The following POU2F2 variants were observed in gnomAD, a reference collection of about 807,000 sequenced individuals.
POU2F2 encodes the protein POU domain, class 2, transcription factor 2.
A neutral mutation model predicts 63.5 loss-of-function variants in POU2F2; 14 were observed. That is an observed-to-expected ratio of 0.22 (90% CI 0.15 to 0.34). The LOEUF (loss-of-function observed/expected upper bound fraction) is 0.34. Among genes scored for constraint, POU2F2 ranks in the 10% least tolerant of loss-of-function variants. The pLI is 1.00. For synonymous variants in POU2F2, 306 were observed against 348.6 expected (o/e 0.88, Z 1.36); for missense variants, 607 against 815.2 (o/e 0.74, Z 3.11).
intron 2 of POU2F2, among the ~76,000 whole-genome samples, chr19:42,158,229 A>G (rs1037417606): frequency 4.6e-5 from 7 of 152,228 alleles, no homozygotes; most frequent in African/African-American, 1.7e-4. Context: ...TCTAGTGTAT[A>G]ATCATCTCTA....
chr19:42,191,689 G>C (rs2035076550), intron 1 of POU2F2, among the ~76,000 whole-genome samples: 1 of 152,196 alleles, frequency 6.6e-6, no homozygotes, highest in Admixed American at 6.5e-5. Flanking sequence ...AAAACAGAGG[G>C]ATCAAGGGAG....
chr19:42,174,087 T>G (rs549802959), intron 1 of POU2F2, among the ~76,000 whole-genome samples: 1 of 152,288 alleles, frequency 6.6e-6, no homozygotes, highest in African/African-American at 2.4e-5. Context: ...TCAAGGCTGC[T>G]GTGCAAGCAT....
chr19:42,094,018 T>C, intron 11 of POU2F2, 123 bp from the exon 12 acceptor site: 4 of 736,438 alleles, frequency 5.4e-6, no homozygotes, highest in Non-Finnish European at 9.1e-6. Context: ...CAATGCTGCA[T>C]TTGTATTATT....
chr19:42,171,624 C>T (rs2034771013), intron 1 of POU2F2, among the ~76,000 whole-genome samples: 1 of 152,122 alleles, frequency 6.6e-6, no homozygotes, highest in Non-Finnish European at 1.5e-5. Context: ...TCTCAGACTC[C>T]GTTGCTTGTG....
At chr19:42,174,033 G>C (rs1279965141) in intron 1 of POU2F2, among the ~76,000 whole-genome samples, 1 of 152,118 alleles carries the variant, frequency 6.6e-6, no homozygotes, top group African/African-American at 2.4e-5. Flanking sequence ...GATAGACTGT[G>C]GGGAGAGGGG....
At position 42,169,265 on chromosome 19, in the gene POU2F2, A is replaced by G. The variant is rs1245091819; in HGVS notation, c.-70+6698T>C. On this transcript the variant is annotated intron_variant, in intron 1 of 6. Coordinates refer to the POU2F2 transcript ENST00000524801. This position sits in a 1 kb window ranked among gnomAD's most constrained non-coding sequence, Gnocchi z 4.3. ...ATGTGGCCTGTGTGCACCCACAGGCATATAGGCTGGGATGCTGCCATGTTT... is the reference window on the plus strand; with the variant it reads ...ATGTGGCCTGTGTGCACCCACAGGCGTATAGGCTGGGATGCTGCCATGTTT... Among the ~76,000 whole-genome samples the G allele has an allele frequency of 6.6e-6, 1 of 152,228 alleles. No homozygotes were observed. Among genetic ancestry groups the G allele is most frequent in the Non-Finnish European group, 1.5e-5 (1 of 68,042 alleles).
At chr19:42,122,605 G>C (rs763640683) in intron 1 of POU2F2, 29 bp from the exon 2 acceptor site, 1 of 1,515,876 alleles carries the variant, frequency 6.6e-7, no homozygotes, top group Non-Finnish European at 8.9e-7. Context: ...TGGAAGTGGG[G>C]TGAAGGAGGG....
upstream of POU2F2, chr19:42,177,085 C>G (rs1163606819): frequency 6.8e-6 from 1 of 146,030 alleles, no homozygotes; most frequent in African/African-American, 2.5e-5. Context: ...GGCGCGCAGG[C>G]GAGCTGGGGA....
intron 14 of POU2F2, 42 bp from the exon 15 acceptor site, chr19:42,091,633 C>A: frequency 6.5e-7 from 1 of 1,542,424 alleles, no homozygotes; most frequent in Non-Finnish European, 8.8e-7. Flanking sequence ...GCATGCCGGG[C>A]CAGGGGAGAC....
rs1025668300 is a variant in POU2F2 at position 42,117,010 on chromosome 19, G to A, written c.369+240C>T. ...AGCTGGCATCAGTGCCGTGAGCTGC[G>A]GGGTGTCGGGGACAGCAGGAATTGG... is the stretch of plus-strand genomic sequence containing the variant. On this transcript the variant is annotated intron_variant, in intron 5 of 14. Transcript: ENST00000692977. The surrounding 1 kb of genome is among the most constrained non-coding windows in gnomAD (Gnocchi z 4.4). 22 of 625,246 alleles carry A rather than the reference G, an allele frequency of 3.5e-5. No individual in the cohort carries two copies. Among genetic ancestry groups the A allele is most frequent in the African/African-American group, 1.7e-4 (9 of 54,266 alleles). 38.7% of individuals were successfully genotyped at this position (625,246 alleles called of 1,614,324 possible). A position where few individuals can be genotyped will look rare whatever the true frequency, so the allele number is the denominator to read the frequency against.
chr19:42,099,910 AC>A, intron 5 of POU2F2, 89 bp from the exon 6 acceptor site: 2 of 1,050,996 alleles, frequency 1.9e-6, no homozygotes, highest in Non-Finnish European at 2.8e-6. Context: ...AGGGGCTGAA[AC>A]CAGGAAGCTG....
At chr19:42,128,318 A>T (rs567411783) in intron 1 of POU2F2, among the ~76,000 whole-genome samples, 1 of 152,272 alleles carries the variant, frequency 6.6e-6, no homozygotes, top group Non-Finnish European at 1.5e-5. Context: ...CCCTAACTTA[A>T]ATCTTTAAGG....
In POU2F2 at chr19:42,117,199, T is replaced by C. The variant is rs2032026001; in HGVS notation, c.369+51A>G. On this transcript the variant is annotated intron_variant, in intron 5 of 14. Coordinates refer to ENST00000692977, the MANE Select transcript of POU2F2 (RefSeq NM_001394376.1). This position sits in a 1 kb window ranked among gnomAD's most constrained non-coding sequence, Gnocchi z 4.4. ...GTTCATCCACTAGCCCTGTAACAGA[T>C]GAGGGGTGGCTGGTTTGTCCCCTCG... 1 of 1,352,786 alleles carries C rather than the reference T, an allele frequency of 7.4e-7. No individual in the cohort carries two copies. The highest frequency in any genetic ancestry group is 9.9e-7 in the Non-Finnish European group (1 of 1,009,062). 83.8% of individuals were successfully genotyped at this position (1,352,786 alleles called of 1,614,324 possible). A position where few individuals can be genotyped will look rare whatever the true frequency, so the allele number is the denominator to read the frequency against.
At chr19:42,123,690 G>A (rs1406082433) in intron 1 of POU2F2, among the ~76,000 whole-genome samples, 1 of 152,016 alleles carries the variant, frequency 6.6e-6, no homozygotes, top group Admixed American at 6.6e-5. Context: ...CCCTAGTCCT[G>A]ACTTCCAGCC....
intron 5 of POU2F2, among the ~76,000 whole-genome samples, chr19:42,111,832 C>T (rs1297238547): frequency 6.6e-6 from 1 of 152,114 alleles, no homozygotes; most frequent in African/African-American, 2.4e-5. Flanking sequence ...CTATCCCCTG[C>T]AGTCGATTAG....
At chr19:42,132,747 G>T (rs2033857400), upstream of POU2F2, 2 of 330,824 alleles carry the variant, frequency 6.0e-6, no homozygotes, top group African/African-American at 2.1e-5. Context: ...AGGGAATGGG[G>T]GTCTGGGAGA....
intron 1 of POU2F2, among the ~76,000 whole-genome samples, chr19:42,188,531 C>T (rs1471021339): frequency 1.3e-4 from 20 of 151,422 alleles, no homozygotes; most frequent in African/African-American, 2.7e-4. Flanking sequence ...ATTAGCCGGG[C>T]GTGGTGGCAG....
At position 42,156,228 on chromosome 19, in the gene POU2F2, G is replaced by A. The variant is rs1214458562; in HGVS notation, c.-9+4104C>T. 6.6e-6 allele frequency: 1 copy of A among 152,020 alleles called. No homozygotes were observed. Among genetic ancestry groups the A allele is most frequent in the Non-Finnish European group, 1.5e-5 (1 of 67,984 alleles). The allele number at this position is 152,020 out of a possible 1,614,324, so 9.4% of individuals were successfully genotyped here. A position where few individuals can be genotyped will look rare whatever the true frequency, so the allele number is the denominator to read the frequency against. On this transcript the variant is annotated intron_variant, in intron 2 of 6. Coordinates refer to the POU2F2 transcript ENST00000524801. This position sits in a 1 kb window ranked among gnomAD's most constrained non-coding sequence, Gnocchi z 4.1. Reference sequence around the variant, plus strand: ...TGTCAGGGATTCCAGGGACCCACTGGTCCCCGAACTGGCTCAGAGATGCAA... The same window carrying A: ...TGTCAGGGATTCCAGGGACCCACTGATCCCCGAACTGGCTCAGAGATGCAA...
Position 42,187,987 on chromosome 19 carries a change from T to C in POU2F2, c.-70+8396A>G, listed in dbSNP as rs118114399. Among the ~76,000 whole-genome samples the C allele has an allele frequency of 2.6e-3, 389 of 152,118 alleles. 2 individuals are homozygous for C. The highest frequency in any genetic ancestry group is 4.0e-3 in the Non-Finnish European group (269 of 67,984). On this transcript the variant is annotated intron_variant, in intron 1 of 5. Transcript: ENST00000532176. ...TGAACCTTTTGACTTTTTTAAATCA[T>C]TCTATATTTCATTTCAAAAGTGACT...
Sources: allele counts gnomAD v4.1 joint callset (sites outside exome capture counted in the v4.1 genomes callset), GRCh38; gene constraint gnomAD v4.1.1; non-coding constraint Gnocchi (gnomAD v3.1); transcripts MANE v1.5; gene names NCBI Gene and HGNC (gene_info 2026-07-23, HGNC 2026-07-21).